The following CUEDC1 variants were observed in gnomAD, a reference collection of about 807,000 sequenced individuals.
CUEDC1 encodes CUE domain-containing protein 1.
A neutral mutation model predicts 43.7 loss-of-function variants in CUEDC1; 30 were observed. The observed-to-expected ratio is 0.69, with a 90% CI of 0.51 to 0.93. The LOEUF (loss-of-function observed/expected upper bound fraction) is 0.93. Ranked by LOEUF, CUEDC1 falls within the 40% of genes least tolerant of loss-of-function variation. The pLI, the probability that CUEDC1 is intolerant of heterozygous loss-of-function variation, is 0.00. For synonymous variants in CUEDC1, 223 were observed against 223.6 expected (o/e 1.00, Z 0.02); for missense variants, 486 against 549.0 (o/e 0.89, Z 1.15).
intron 1 of CUEDC1, among the ~76,000 whole-genome samples, chr17:57,913,839 G>A (rs1322047551): frequency 6.6e-6 from 1 of 152,136 alleles, no homozygotes; most frequent in African/African-American, 2.4e-5. Context: ...CCTGACCCTG[G>A]GTTCTAACTC....
intron 1 of CUEDC1, among the ~76,000 whole-genome samples, chr17:57,928,339 G>A (rs1028969664): frequency 1.3e-5 from 2 of 152,042 alleles, no homozygotes; most frequent in Non-Finnish European, 2.9e-5. Flanking sequence ...CACCAGGTCA[G>A]GAGATCGAGA....
At chr17:57,944,253 CA>C (rs1316774623) in intron 1 of CUEDC1, among the ~76,000 whole-genome samples, 1 of 148,044 alleles carries the variant, frequency 6.8e-6, no homozygotes, top group African/African-American at 2.5e-5. Context: ...TCTTGTTGCA[CA>C]GGCTGGTGTG....
rs775606075 is a variant in CUEDC1 at position 57,885,233 on chromosome 17, G to C, written c.332C>G (p.Pro111Arg). Residue 111 changes from proline to arginine, a missense_variant, in exon 2 of 11, where the codon CCG becomes CGG. Pro to Arg is a moderately radical substitution (Grantham distance 103). Coordinates refer to ENST00000577830, the MANE Select transcript of CUEDC1 (RefSeq NM_001271875.2). Reference sequence around the variant, plus strand: ...TTACCCGGGCTGCGCCCCTACCTCCGGGGGGATGCTGTCCTCCGAGTCGGA... The same window carrying C: ...TTACCCGGGCTGCGCCCCTACCTCCCGGGGGATGCTGTCCTCCGAGTCGGA... The part of the protein sequence containing the change: ...DSSDSEDSIP[P>R]EILERTLEPD... The C allele has an allele frequency of 6.4e-6, 10 of 1,571,512 alleles. No homozygotes were observed. Among genetic ancestry groups the C allele is most frequent in the Non-Finnish European group, 8.7e-6 (10 of 1,155,908 alleles).
At position 57,911,011 on chromosome 17, in the gene CUEDC1, C is replaced by T. The variant is rs543000970; in HGVS notation, c.-315-25132G>A. Among the ~76,000 whole-genome samples the T allele has an allele frequency of 3.9e-5, 6 of 152,252 alleles. No homozygotes were observed. In the East Asian group the frequency reaches 5.8e-4, roughly 15 times the overall value. On this transcript the variant is annotated intron_variant, in intron 1 of 10. Transcript: ENST00000577830. ...TCCCATTTTCTCCCTATGCCACCAA[C>T]GGAAGAGCAGGCCAGGTCCCCTCCG...
At position 57,930,012 on chromosome 17, in the gene CUEDC1, G is replaced by A. The variant is rs1890051646; in HGVS notation, c.-316+25213C>T. 6.6e-6 allele frequency among the ~76,000 whole-genome samples: 1 copy of A among 152,056 alleles called. No homozygotes were observed. The highest frequency in any genetic ancestry group is 1.5e-5 in the Non-Finnish European group (1 of 68,022). Reference sequence around the variant, plus strand: ...GAGACAGGGTTTCACCATGTTTGTCGGGCTGGTATCGAACTCCTGCCCTCA... The same window carrying A: ...GAGACAGGGTTTCACCATGTTTGTCAGGCTGGTATCGAACTCCTGCCCTCA... On this transcript the variant is annotated intron_variant, in intron 1 of 10. Transcript: ENST00000577830. The surrounding 1 kb of genome is among the most constrained non-coding windows in gnomAD (Gnocchi z 4.2).
chr17:57,897,486 C>T (rs201927311), intron 1 of CUEDC1, among the ~76,000 whole-genome samples: 2 of 151,286 alleles, frequency 1.3e-5, no homozygotes, highest in African/African-American at 4.9e-5. Context: ...CTGGCTAACA[C>T]GGTGAAACCC....
Position 57,954,367 on chromosome 17 carries a change from C to A in CUEDC1, c.-316+858G>T, listed in dbSNP as rs376026012. Reference sequence around the variant, plus strand: ...CCACCAAAAAAAGGAAAATCTAAACCCTCCCTCCCCTTAAAACACATTCCG... The same window carrying A: ...CCACCAAAAAAAGGAAAATCTAAACACTCCCTCCCCTTAAAACACATTCCG... On this transcript the variant is annotated intron_variant, in intron 1 of 10. Transcript: ENST00000577830. This position sits in a 1 kb window ranked among gnomAD's most constrained non-coding sequence, Gnocchi z 4.3. 6.6e-6 allele frequency among the ~76,000 whole-genome samples: 1 copy of A among 152,160 alleles called. No homozygotes were observed. The highest frequency in any genetic ancestry group is 1.9e-4 in the East Asian group (1 of 5,200).
chr17:57,884,566 G>A lies in CUEDC1; in HGVS notation c.336+663C>T, dbSNP rs574087677. 3.3e-5 allele frequency among the ~76,000 whole-genome samples: 5 copies of A among 152,260 alleles called. No individual in the cohort carries two copies. The South Asian group carries it at 8.3e-4, about 25-fold the overall frequency. Reference sequence around the variant, plus strand: ...TGATCTCCTCTCACTCTAGGACCCTGACAGATGGTCCTGCTGCCAGTTCCC... The same window carrying A: ...TGATCTCCTCTCACTCTAGGACCCTAACAGATGGTCCTGCTGCCAGTTCCC... On this transcript the variant is annotated intron_variant, in intron 2 of 10. Transcript: ENST00000577830.
intron 1 of CUEDC1, among the ~76,000 whole-genome samples, chr17:57,889,076 A>G (rs969212600): frequency 2.6e-5 from 4 of 152,228 alleles, no homozygotes; most frequent in Admixed American, 2.0e-4. Flanking sequence ...GCACCAGTTC[A>G]GACAAGGCCT....
intron 1 of CUEDC1, among the ~76,000 whole-genome samples, chr17:57,907,795 G>A (rs1377347093): frequency 4.8e-5 from 7 of 146,184 alleles, no homozygotes; most frequent in African/African-American, 7.6e-5. Flanking sequence ...GCAGTGAGCC[G>A]AGATCACGCC....
chr17:57,946,912 A>C (rs2074964989), intron 1 of CUEDC1, among the ~76,000 whole-genome samples: 1 of 152,102 alleles, frequency 6.6e-6, no homozygotes, highest in African/African-American at 2.4e-5. Context: ...TGCTCAACAC[A>C]GGAGTTCCCT....
rs2075046952 is a variant in CUEDC1 at position 57,955,287 on chromosome 17, G to A, written c.-378C>T. On this transcript the variant is annotated 5_prime_UTR_variant, in exon 1 of 11. Coordinates refer to ENST00000577830, the MANE Select transcript of CUEDC1 (RefSeq NM_001271875.2). This position sits in a 1 kb window ranked among gnomAD's most constrained non-coding sequence, Gnocchi z 5.3. The stretch of plus-strand genomic sequence containing the variant: ...AGGGGCCGGGCCGCGGGCCGGGCGG[G>A]GGAGGGGCTGCAATCCGCAGCGGTG... The A allele has an allele frequency of 6.8e-6, 1 of 147,486 alleles. No homozygotes were observed. The highest frequency in any genetic ancestry group is 2.4e-5 in the African/African-American group (1 of 40,824). 9.1% of individuals were successfully genotyped at this position (147,486 alleles called of 1,614,324 possible).
rs1568025208 is a variant in CUEDC1 at position 57,866,468 on chromosome 17, CCTTA to C, written c.*3+2_*3+5del. 6.2e-7 allele frequency: 1 copy of C among 1,613,984 alleles called. No individual in the cohort carries two copies. Among genetic ancestry groups the C allele is most frequent in the South Asian group, 1.1e-5 (1 of 91,076 alleles). On this transcript the variant is annotated splice_donor_variant and splice_donor_5th_base_variant and intron_variant, in intron 10 of 10. Transcript: ENST00000577830. LOFTEE classifies it low-confidence loss of function (3UTR_SPLICE). ...GTCCCTGGGTTGCTATGGCTCCAGG[CCTTA>C]CCTCTTACTGTCCTTCTCGCAGGCC...
intron 1 of CUEDC1, among the ~76,000 whole-genome samples, chr17:57,908,381 A>C (rs1157225195): frequency 2.6e-5 from 4 of 152,090 alleles, no homozygotes; most frequent in Non-Finnish European, 4.4e-5. Context: ...GAAGGAGAGA[A>C]GCACAGAGGA....
intron 1 of CUEDC1, among the ~76,000 whole-genome samples, chr17:57,941,799 T>C (rs147733606): frequency 1.3e-5 from 2 of 152,288 alleles, no homozygotes; most frequent in Non-Finnish European, 2.9e-5. Flanking sequence ...AAGTAGCATG[T>C]TTGACATGGA....
Position 57,885,582 on chromosome 17 carries a change from G to A in CUEDC1, c.-18C>T. On this transcript the variant is annotated 5_prime_UTR_variant, in exon 2 of 11. Coordinates refer to ENST00000577830, the MANE Select transcript of CUEDC1 (RefSeq NM_001271875.2). The stretch of plus-strand genomic sequence containing the variant: ...CTGGTCATTTTGCGGAGCCGCTTGG[G>A]GAAAATGTTTCTAGCCGGCCGCAAA... 7.4e-7 allele frequency: 1 copy of A among 1,346,332 alleles called. No individual in the cohort carries two copies. The highest frequency in any genetic ancestry group is 9.5e-7 in the Non-Finnish European group (1 of 1,055,384). 83.4% of individuals were successfully genotyped at this position (1,346,332 alleles called of 1,614,324 possible). A position where few individuals can be genotyped will look rare whatever the true frequency, so the allele number is the denominator to read the frequency against.
At chr17:57,887,402 A>G (rs2074304117) in intron 1 of CUEDC1, among the ~76,000 whole-genome samples, 1 of 152,196 alleles carries the variant, frequency 6.6e-6, no homozygotes, top group African/African-American at 2.4e-5. Flanking sequence ...TTAAGGGACA[A>G]TTCCATCAAA....
chr17:57,923,958 C>T (rs9913983), intron 1 of CUEDC1, among the ~76,000 whole-genome samples: 20,144 of 152,108 alleles, frequency 0.13, 1,980 homozygotes, highest in African/African-American at 0.27. Context: ...GTAACTAAAG[C>T]CTGTCCAATA....
intron 1 of CUEDC1, among the ~76,000 whole-genome samples, chr17:57,893,349 A>ATGTG (rs147335365): frequency 0.02 from 2,987 of 148,334 alleles, 68 homozygotes; most frequent in East Asian, 0.12. Flanking sequence ...CTCTCAGGGT[A>ATGTG]TGTGTGTGTG....
Sources: gnomAD v4.1 joint callset for allele counts (sites outside exome capture counted in the v4.1 genomes callset) on GRCh38, gnomAD v4.1.1 for gene constraint, Gnocchi (gnomAD v3.1) non-coding constraint, MANE v1.5 for transcripts, NCBI Gene and HGNC (gene_info 2026-07-23, HGNC 2026-07-21) for gene names.